SLC25A40: variants seen among roughly 807,000 people sequenced by gnomAD.
The protein encoded by SLC25A40 is solute carrier family 25 member 40.
Under a neutral mutation model 46.5 loss-of-function variants are expected in SLC25A40, and 41 were observed. The ratio of observed to expected loss-of-function variants is 0.88; its 90% CI spans 0.69 to 1.14. SLC25A40 has a LOEUF of 1.14. SLC25A40 is among the 50% of genes most tolerant of loss of function. SLC25A40 has a pLI of 0.00. For missense variants in SLC25A40, 386 were observed against 393.6 expected, an observed-to-expected ratio of 0.98 and a Z score of 0.16; for synonymous variants, 126 against 127.5, an observed-to-expected ratio of 0.99 and a Z score of 0.08.
rs759375134 is a variant in SLC25A40, at chr7:87,841,684, C to T, written c.772G>A (p.Val258Ile). Residue 258 changes from valine to isoleucine, a missense_variant, in exon 10 of 12, where the codon GTA (valine) becomes ATA (isoleucine). By Grantham distance (29) the Val-to-Ile change is conservative (BLOSUM62 3). Coordinates refer to ENST00000341119, the MANE Select transcript of SLC25A40 (RefSeq NM_018843.4). ...FAAVATLPFD[V>I]VKTQKQTQLW... ...TGTGTCTGCTTTTGTGTTTTTACTA[C>T]ATCAAATGGTAAAGTTGCAACAGCA... is the stretch of plus-strand genomic sequence containing the variant. 1.3e-6 allele frequency: 2 copies of T among 1,529,206 alleles called. No individual in the cohort carries two copies. Among genetic ancestry groups the T allele is most frequent in the Non-Finnish European group, 1.8e-6 (2 of 1,136,858 alleles). The allele number at this position is 1,529,206 out of a possible 1,614,324, so 94.7% of individuals were successfully genotyped here.
Position 87,843,836 on chromosome 7 carries a change from A to G in SLC25A40, c.659T>C (p.Leu220Ser). 6.2e-7 allele frequency: 1 copy of G among 1,607,674 alleles called. No individual in the cohort carries two copies. Among genetic ancestry groups the G allele is most frequent in the Non-Finnish European group, 8.5e-7 (1 of 1,175,122 alleles). ...SAMYWYNYEI[L>S]KKWLCEKSGL... ...AGATTTCTCACATAACCACTTCTTT[A>G]AAATTTCATAGTTATACCAGTACAT... The change falls in exon 9 of 12, where the codon TTA (leucine) becomes TCA (serine). Residue 220 changes from leucine (L) to serine (S), a missense_variant. Physicochemically the swap from Leu to Ser is moderately radical, Grantham distance 145. Coordinates refer to ENST00000341119, the MANE Select transcript of SLC25A40 (RefSeq NM_018843.4).
chr7:87,840,551 T>C (rs2130996074), intron 10 of SLC25A40, among the ~76,000 whole-genome samples: 1 of 151,882 alleles, frequency 6.6e-6, no homozygotes, highest in East Asian at 1.9e-4. Context: ...AAGAAATTGG[T>C]GAAATCCTAC....
intron 4 of SLC25A40, among the ~76,000 whole-genome samples, chr7:87,855,024 T>C (rs1211450325): frequency 4.6e-5 from 7 of 151,442 alleles, no homozygotes; most frequent in Admixed American, 3.9e-4. Context: ...CAGCTGGGTG[T>C]GATGGCACGT....
intron 1 of SLC25A40, among the ~76,000 whole-genome samples, chr7:87,864,369 T>C (rs982820127): frequency 5.3e-5 from 8 of 152,380 alleles, no homozygotes; most frequent in Middle Eastern, 3.4e-3. Context: ...CTACTAGCTA[T>C]TTTGAAATAC....
intron 8 of SLC25A40, among the ~76,000 whole-genome samples, chr7:87,844,294 A>AG (rs1838380248): frequency 6.6e-6 from 1 of 152,184 alleles, no homozygotes; most frequent in Admixed American, 6.5e-5. Flanking sequence ...TTTAAATGTC[A>AG]TATTACCATG....
chr7:87,864,915 G>C lies in SLC25A40; in HGVS notation c.-93-4275C>G, dbSNP rs560174459. On this transcript the variant is annotated intron_variant, in intron 1 of 11. Coordinates refer to ENST00000341119, the MANE Select transcript of SLC25A40 (RefSeq NM_018843.4). The stretch of plus-strand genomic sequence containing the variant: ...TCTTCCATTCTTACTGTTTTCCTTT[G>C]TGGCTAAGTGATTTTCTTTGTTAGC... Among the ~76,000 whole-genome samples the C allele has an allele frequency of 1.7e-4, 25 of 149,478 alleles. No homozygotes were observed. In the South Asian group the frequency reaches 5.1e-3, roughly 30 times the overall value.
chr7:87,868,067 T>G (rs1208785753), intron 1 of SLC25A40, among the ~76,000 whole-genome samples: 1 of 152,062 alleles, frequency 6.6e-6, no homozygotes, highest in Non-Finnish European at 1.5e-5. Context: ...CACCTTTTAC[T>G]CTGCCTGCCC....
intron 1 of SLC25A40, among the ~76,000 whole-genome samples, chr7:87,863,063 T>C (rs1445857520): frequency 6.6e-6 from 1 of 152,224 alleles, no homozygotes; most frequent in South Asian, 2.1e-4. Context: ...TCTCTGCATA[T>C]TTTTATCAGT....
chr7:87,859,735 T>C (rs1189473724), intron 2 of SLC25A40, among the ~76,000 whole-genome samples: 1 of 152,180 alleles, frequency 6.6e-6, no homozygotes, highest in Non-Finnish European at 1.5e-5. Context: ...GGTAGTTAAT[T>C]ATATTTATTT....
chr7:87,869,163 T>C (rs1367245305), intron 1 of SLC25A40, among the ~76,000 whole-genome samples: 1 of 152,208 alleles, frequency 6.6e-6, no homozygotes, highest in East Asian at 1.9e-4. Flanking sequence ...GCACTGTATA[T>C]TTGTTTTCAG....
intron 1 of SLC25A40, among the ~76,000 whole-genome samples, chr7:87,861,132 T>G (rs1302456617): frequency 6.6e-6 from 1 of 152,176 alleles, no homozygotes; most frequent in African/African-American, 2.4e-5. Context: ...AGGTAATGGA[T>G]GCCACATAAC....
intron 9 of SLC25A40, among the ~76,000 whole-genome samples, chr7:87,843,163 T>TA (rs1396786832): frequency 6.6e-6 from 1 of 151,832 alleles, no homozygotes; most frequent in Admixed American, 6.6e-5. Flanking sequence ...TATGTGGGTA[T>TA]AAAAAAAACT....
chr7:87,836,493 GAA>G, intron 11 of SLC25A40, 132 bp from the exon 12 acceptor site: 1 of 613,544 alleles, frequency 1.6e-6, no homozygotes, highest in South Asian at 3.8e-5. Flanking sequence ...TAAATTGGTA[GAA>G]AAGACTGCTC....
chr7:87,859,596 G>A (rs1298550525), intron 2 of SLC25A40, among the ~76,000 whole-genome samples: 4 of 152,058 alleles, frequency 2.6e-5, no homozygotes, highest in Admixed American at 1.3e-4. Context: ...TTATGTGTCC[G>A]TGTACATACA....
intron 7 of SLC25A40, among the ~76,000 whole-genome samples, chr7:87,847,386 T>C (rs903152892): frequency 3.3e-5 from 5 of 152,180 alleles, no homozygotes; most frequent in African/African-American, 4.8e-5. Context: ...AGAAATGTTA[T>C]AATCAACCAG....
intron 1 of SLC25A40, among the ~76,000 whole-genome samples, chr7:87,870,903 C>A (rs1199579046): frequency 6.6e-6 from 1 of 152,174 alleles, no homozygotes; most frequent in Non-Finnish European, 1.5e-5. Context: ...AGGTGCCACA[C>A]ATGAACGTGT....
intron 10 of SLC25A40, among the ~76,000 whole-genome samples, chr7:87,840,200 A>C (rs1281205016): frequency 2.6e-5 from 4 of 151,776 alleles, no homozygotes; most frequent in East Asian, 1.9e-4. Flanking sequence ...AACCAGTGAT[A>C]GGTAAGAGTT....
rs2130992547 is a variant in SLC25A40, at chr7:87,835,756, A to ACC, written c.*492_*493insGG. On this transcript the variant is annotated 3_prime_UTR_variant, in exon 12 of 12. Coordinates refer to ENST00000341119, the MANE Select transcript of SLC25A40 (RefSeq NM_018843.4). Reference sequence around the variant, plus strand: ...ACCTAATGCATTTGAATTAAAGGAAACAGGCAATATTTGGTCGATGTAAAC... The same window carrying ACC: ...ACCTAATGCATTTGAATTAAAGGAAACCCAGGCAATATTTGGTCGATGTAAAC... 1 of 152,110 alleles carries ACC rather than the reference A, an allele frequency of 6.6e-6. No individual in the cohort carries two copies. Among genetic ancestry groups the ACC allele is most frequent in the Non-Finnish European group, 1.5e-5 (1 of 67,960 alleles). 9.4% of individuals were successfully genotyped at this position (152,110 alleles called of 1,614,324 possible). A position where few individuals can be genotyped will look rare whatever the true frequency, so the allele number is the denominator to read the frequency against.
At chr7:87,837,729 T>A (rs185463223) in intron 10 of SLC25A40, among the ~76,000 whole-genome samples, 10 of 151,262 alleles carry the variant, frequency 6.6e-5, no homozygotes, top group Admixed American at 5.3e-4. Context: ...AAAAGAATTC[T>A]AAGAACCAGG....
Sources: allele counts gnomAD v4.1 joint callset (sites outside exome capture counted in the v4.1 genomes callset), GRCh38; gene constraint gnomAD v4.1.1; transcripts MANE v1.5; gene names NCBI Gene and HGNC (gene_info 2026-07-23, HGNC 2026-07-21).